Variants in TARBP1 observed in about 807,000 individuals in gnomAD.
The protein encoded by TARBP1 is tRNA (guanosine(18)-2'-O)-methyltransferase TARBP1.
In TARBP1, 144 loss-of-function variants were observed where a neutral mutation model predicts 178.6. That is an observed-to-expected ratio of 0.81 (90% CI 0.70 to 0.93). TARBP1 has a LOEUF of 0.93. TARBP1 is among the 40% of genes least tolerant of loss of function. The probability of loss-of-function intolerance (pLI) is 0.00; values close to 1 mark genes in which losing one functional copy is unlikely to be tolerated. For missense variants in TARBP1, 2,067 were observed against 2,011.7 expected, an observed-to-expected ratio of 1.03 and a Z score of -0.53; for synonymous variants, 787 against 781.0, an observed-to-expected ratio of 1.01 and a Z score of -0.13.
intron 1 of TARBP1, among the ~76,000 whole-genome samples, chr1:234,474,460 A>G (rs981534996): frequency 6.6e-6 from 1 of 152,204 alleles, no homozygotes; most frequent in African/African-American, 2.4e-5. Flanking sequence ...ACTGAAGAAC[A>G]TGATTTCCAG....
chr1:234,431,553 T>TA (rs1265061491), intron 14 of TARBP1, among the ~76,000 whole-genome samples: 1 of 152,224 alleles, frequency 6.6e-6, no homozygotes, highest in African/African-American at 2.4e-5. Context: ...CTGGATTAGT[T>TA]ACACTGATTG....
At chr1:234,420,985 A>C (rs1486480503) in intron 20 of TARBP1, among the ~76,000 whole-genome samples, 173 bp from the exon 21 acceptor site, 1 of 152,260 alleles carries the variant, frequency 6.6e-6, no homozygotes, top group Non-Finnish European at 1.5e-5. Flanking sequence ...AAAATATTTC[A>C]AACATTGACA....
At chr1:234,471,377 G>A in intron 2 of TARBP1, 120 bp from the exon 3 acceptor site, 1 of 672,354 alleles carries the variant, frequency 1.5e-6, no homozygotes, top group Non-Finnish European at 2.6e-6. Context: ...TGTAGAAAGA[G>A]CCTGATTTAT....
intron 24 of TARBP1, among the ~76,000 whole-genome samples, chr1:234,404,962 A>G (rs1408639232): frequency 6.6e-6 from 1 of 152,208 alleles, no homozygotes; most frequent in Admixed American, 6.5e-5. Context: ...ATTGCGGGCC[A>G]GGGAGGTACC....
chr1:234,451,766 A>AAAAAAAC (rs57636903), intron 9 of TARBP1, among the ~76,000 whole-genome samples: 172 of 17,174 alleles, frequency 0.01, 58 homozygotes, highest in African/African-American at 0.015. Flanking sequence ...AAAAAAAAAA[A>AAAAAAAC]TGATGAATGA....
chr1:234,477,436 T>C (rs1464522036), intron 1 of TARBP1, among the ~76,000 whole-genome samples: 1 of 152,212 alleles, frequency 6.6e-6, no homozygotes, highest in African/African-American at 2.4e-5. Flanking sequence ...AGTAGAAATA[T>C]TCTATTGAGA....
chr1:234,429,379 A>G, intron 16 of TARBP1, 37 bp downstream of exon 16: 1 of 1,583,248 alleles, frequency 6.3e-7, no homozygotes, highest in Non-Finnish European at 8.5e-7. Flanking sequence ...CGCCACTCCT[A>G]TAGTTACTGT....
At chr1:234,399,963 C>T (rs987581608) in intron 25 of TARBP1, among the ~76,000 whole-genome samples, 3 of 151,360 alleles carry the variant, frequency 2.0e-5, no homozygotes, top group Non-Finnish European at 4.4e-5. Context: ...GTGCAGCACA[C>T]GACCATGGCA....
chr1:234,419,137 C>T lies in TARBP1; in HGVS notation c.3556-904G>A, dbSNP rs546263575. ...GCAGTGAGCCGAGATCGTGCCACTG[C>T]ACTCCAGCCTGGGTGAAAGAGCAAG... On this transcript the variant is annotated intron_variant, in intron 21 of 29. Coordinates refer to ENST00000040877, the MANE Select transcript of TARBP1 (RefSeq NM_005646.4). 4.1e-3 allele frequency among the ~76,000 whole-genome samples: 621 copies of T among 151,976 alleles called. 2 individuals are homozygous for T. The highest frequency in any genetic ancestry group is 6.8e-3 in the Middle Eastern group (2 of 294).
chr1:234,398,402 TC>T lies in TARBP1; in HGVS notation c.4222del (p.Asp1408ThrfsTer7), dbSNP rs1660357267. The T allele has an allele frequency of 6.2e-7, 1 of 1,607,690 alleles. No individual in the cohort carries two copies. On this transcript the variant is annotated frameshift_variant, in exon 26 of 30. Transcript: ENST00000040877. LOFTEE classifies it high-confidence loss of function. ...QTQLSKLKPG[D>X]WSQQDIGTNL... ...TTTACCTATGTCTTGCTGAGACCAG[TC>T]ACCTGGTTTTAGTTTACTAAGTTGA...
chr1:234,461,078 T>C (rs1667810393), intron 6 of TARBP1, among the ~76,000 whole-genome samples: 1 of 152,186 alleles, frequency 6.6e-6, no homozygotes, highest in Admixed American at 6.5e-5. Flanking sequence ...AGGTTTCTTT[T>C]TGAGGGTGAT....
intron 23 of TARBP1, 102 bp from the exon 24 acceptor site, chr1:234,406,201 G>A: frequency 9.3e-7 from 1 of 1,075,408 alleles, no homozygotes. Flanking sequence ...ACTGCTCCTA[G>A]TAAAACTTCT....
chr1:234,430,775 A>G (rs1319140234), intron 14 of TARBP1, among the ~76,000 whole-genome samples: 1 of 152,204 alleles, frequency 6.6e-6, no homozygotes, highest in Non-Finnish European at 1.5e-5. Flanking sequence ...GCTGCACGCT[A>G]CTTTTGGAGA....
chr1:234,478,402 G>T lies in TARBP1; in HGVS notation c.702C>A (p.Ser234Arg). Residue 234 changes from serine to arginine, a missense_variant, in exon 1 of 30, where the codon AGC becomes AGA. Transcript: ENST00000040877. ...GRVEEKLLVLSALAEKLLPEP... is the reference protein window; with the variant it reads ...GRVEEKLLVLRALAEKLLPEP... ...CGGGCAACAGCTTCTCGGCCAGGGCGCTCAGGACCAGCAGCTTCTCCTCTA... is the reference window on the plus strand; with the variant it reads ...CGGGCAACAGCTTCTCGGCCAGGGCTCTCAGGACCAGCAGCTTCTCCTCTA... 7.3e-7 allele frequency: 1 copy of T among 1,363,960 alleles called. No individual in the cohort carries two copies. Among genetic ancestry groups the T allele is most frequent in the Non-Finnish European group, 9.5e-7 (1 of 1,053,510 alleles). The allele number at this position is 1,363,960 out of a possible 1,614,324, so 84.5% of individuals were successfully genotyped here.
intron 20 of TARBP1, among the ~76,000 whole-genome samples, chr1:234,423,893 A>G (rs1407383660): frequency 6.6e-6 from 1 of 151,348 alleles, no homozygotes; most frequent in Non-Finnish European, 1.5e-5. Context: ...TCTAGCCCTG[A>G]CCCCTTATCT....
rs517558 is a variant in TARBP1 at position 234,479,175 on chromosome 1, G to T, written c.-72C>A. On this transcript the variant is annotated 5_prime_UTR_variant, in exon 1 of 30. Coordinates refer to ENST00000040877, the MANE Select transcript of TARBP1 (RefSeq NM_005646.4). ...CGGCGTGTGCGATGCGTGCGCACAG[G>T]ACCGGCCGGCCCCTACGTGCGCGTG... 0.29 allele frequency: 391,991 copies of T among 1,349,422 alleles called. 59,950 individuals are homozygous for T. Among genetic ancestry groups the T allele is most frequent in the Non-Finnish European group, 0.32 (336,719 of 1,049,808 alleles). 83.6% of individuals were successfully genotyped at this position (1,349,422 alleles called of 1,614,324 possible).
At chr1:234,454,600 G>A (rs545601627) in intron 9 of TARBP1, among the ~76,000 whole-genome samples, 1 of 152,106 alleles carries the variant, frequency 6.6e-6, no homozygotes, top group South Asian at 2.1e-4. Flanking sequence ...AAGCTACCAG[G>A]AAAAAACTAA....
chr1:234,410,534 G>GA lies in TARBP1; in HGVS notation c.3706-4dup. 5 of 1,489,260 alleles carry GA rather than the reference G, an allele frequency of 3.4e-6. No individual in the cohort carries two copies. The highest frequency in any genetic ancestry group is 1.2e-5 in the South Asian group (1 of 85,728). The allele number at this position is 1,489,260 out of a possible 1,614,324, so 92.3% of individuals were successfully genotyped here. On this transcript the variant is annotated splice_region_variant and splice_polypyrimidine_tract_variant and intron_variant, in intron 22 of 29. Transcript: ENST00000040877. The stretch of plus-strand genomic sequence containing the variant: ...CTTGTTTTAAGATTTTCTTCACCCT[G>GA]AAAAAATAATCAGATAAACAAATAT...
At chr1:234,451,748 C>CAAAAAAAAAAAAAAAAAAAAAAAAAAAAA (rs766485621) in intron 9 of TARBP1, among the ~76,000 whole-genome samples, 1 of 6,624 alleles carries the variant, frequency 1.5e-4, no homozygotes, top group Non-Finnish European at 2.2e-4. Flanking sequence ...GACTCCGTCT[C>CAAAAAAAAAAAAAAAAAAAAAAAAAAAAA]AAAAAAAAAA....
Sources: gnomAD v4.1 joint callset for allele counts (sites outside exome capture counted in the v4.1 genomes callset) on GRCh38, gnomAD v4.1.1 for gene constraint, MANE v1.5 for transcripts, NCBI Gene and HGNC (gene_info 2026-07-23, HGNC 2026-07-21) for gene names.